The following GSK3B variants were observed in gnomAD, a reference collection of about 807,000 sequenced individuals.
GSK3B encodes the protein glycogen synthase kinase 3 beta, also known as glycogen synthase kinase-3 beta.
A neutral mutation model predicts 56.4 loss-of-function variants in GSK3B; 15 were observed. That is an observed-to-expected ratio of 0.27 (90% CI 0.18 to 0.41). The LOEUF is 0.41. Among genes scored for constraint, GSK3B ranks in the 10% least tolerant of loss-of-function variants. The pLI, the probability that GSK3B is intolerant of heterozygous loss-of-function variation, is 1.00. For missense variants in GSK3B, 300 were observed against 513.4 expected (o/e 0.58, Z 4.02); for synonymous variants, 181 against 188.9 (o/e 0.96, Z 0.34).
At chr3:120,075,867 G>A (rs2080408502) in intron 1 of GSK3B, among the ~76,000 whole-genome samples, 1 of 151,876 alleles carries the variant, frequency 6.6e-6, no homozygotes, top group African/African-American at 2.4e-5. Context: ...CACAAGAGTA[G>A]AAAAAGCAAT....
chr3:119,953,276 C>T (rs370352091), intron 2 of GSK3B, among the ~76,000 whole-genome samples: 21 of 144,506 alleles, frequency 1.5e-4, no homozygotes, highest in East Asian at 5.8e-4. Context: ...TAACGAAGAA[C>T]GGAAGAACAA....
At chr3:119,878,689 A>T (rs904826266) in intron 7 of GSK3B, among the ~76,000 whole-genome samples, 1 of 152,178 alleles carries the variant, frequency 6.6e-6, no homozygotes, top group Admixed American at 6.5e-5. Flanking sequence ...TTTAACTGCT[A>T]AACAGTAGAA....
At chr3:120,064,860 C>T (rs552553894) in intron 1 of GSK3B, among the ~76,000 whole-genome samples, 1 of 152,230 alleles carries the variant, frequency 6.6e-6, no homozygotes, top group South Asian at 2.1e-4. Flanking sequence ...TATCTATGGT[C>T]AACTGATGAG....
chr3:120,093,005 C>A (rs1445262782), intron 1 of GSK3B, among the ~76,000 whole-genome samples: 1 of 152,168 alleles, frequency 6.6e-6, no homozygotes, highest in Non-Finnish European at 1.5e-5. Context: ...TCTCTTTATT[C>A]TAAAGGATGG....
intron 1 of GSK3B, among the ~76,000 whole-genome samples, chr3:120,046,847 G>A (rs1006705825): frequency 1.3e-5 from 2 of 152,288 alleles, no homozygotes; most frequent in Non-Finnish European, 2.9e-5. Flanking sequence ...CTAACCTCAA[G>A]TGATCTGCCC....
At chr3:119,971,249 A>G (rs182357159) in intron 2 of GSK3B, among the ~76,000 whole-genome samples, 1 of 152,354 alleles carries the variant, frequency 6.6e-6, no homozygotes, top group East Asian at 1.9e-4. Context: ...AATTTCAAGT[A>G]TGGGAAGACC....
At chr3:119,868,252 T>C (rs757916991) in intron 8 of GSK3B, among the ~76,000 whole-genome samples, 7 of 152,144 alleles carry the variant, frequency 4.6e-5, no homozygotes, top group Non-Finnish European at 1.0e-4. Flanking sequence ...TTTTCTTAAA[T>C]TGAAACAAAT....
chr3:119,960,968 A>G (rs1013846138), intron 2 of GSK3B, among the ~76,000 whole-genome samples: 3 of 152,202 alleles, frequency 2.0e-5, no homozygotes, highest in African/African-American at 7.2e-5. Flanking sequence ...ATGATATAAA[A>G]TAACACCCCT....
chr3:120,042,116 CA>C (rs1458227793), intron 1 of GSK3B, among the ~76,000 whole-genome samples: 1 of 152,050 alleles, frequency 6.6e-6, no homozygotes, highest in Non-Finnish European at 1.5e-5. Context: ...CCCCAGACAC[CA>C]AAAAAGCCTG....
chr3:119,823,555 T>C lies in GSK3B; in HGVS notation c.*3233A>G, dbSNP rs1559795732. ...AGCATGGAAGGCTCCCAGAATCTGC[T>C]GTTTTTAAGACCCATGGTTAGGGCT... On this transcript the variant is annotated 3_prime_UTR_variant, in exon 11 of 11. Transcript: ENST00000264235. 5.3e-6 allele frequency: 1 copy of C among 187,156 alleles called. No homozygotes were observed. The highest frequency in any genetic ancestry group is 1.1e-5 in the Non-Finnish European group (1 of 88,680). The allele number at this position is 187,156 out of a possible 1,614,324, so 11.6% of individuals were successfully genotyped here.
At chr3:120,031,824 GT>G (rs1404563429) in intron 1 of GSK3B, among the ~76,000 whole-genome samples, 1 of 152,172 alleles carries the variant, frequency 6.6e-6, no homozygotes, top group East Asian at 1.9e-4. Flanking sequence ...TTTTTTGCTA[GT>G]TTTTTATAAA....
chr3:120,024,999 C>T (rs2057911087), intron 1 of GSK3B, among the ~76,000 whole-genome samples: 1 of 152,144 alleles, frequency 6.6e-6, no homozygotes, highest in Admixed American at 6.5e-5. Flanking sequence ...ACTCACTAAT[C>T]TACCTGGTTA....
At chr3:120,008,466 AG>A (rs992292293) in intron 1 of GSK3B, among the ~76,000 whole-genome samples, 6 of 152,342 alleles carry the variant, frequency 3.9e-5, no homozygotes, top group African/African-American at 1.2e-4. Flanking sequence ...CTTTACTACA[AG>A]GCTACAGTAA....
chr3:120,052,277 A>T (rs2058156977), intron 1 of GSK3B, among the ~76,000 whole-genome samples: 1 of 152,242 alleles, frequency 6.6e-6, no homozygotes. Context: ...AATGTCTTAG[A>T]TAATTTCATT....
chr3:120,022,378 T>A (rs1380855386), intron 1 of GSK3B, among the ~76,000 whole-genome samples: 1 of 152,220 alleles, frequency 6.6e-6, no homozygotes, highest in Non-Finnish European at 1.5e-5. Context: ...AAAAAAATTG[T>A]GTGATGTGCT....
chr3:119,924,280 A>G (rs943855468), intron 3 of GSK3B, among the ~76,000 whole-genome samples: 6 of 152,226 alleles, frequency 3.9e-5, no homozygotes, highest in African/African-American at 1.4e-4. Flanking sequence ...TGTGGCCAGT[A>G]TCAGGTAAAT....
chr3:120,015,298 T>C (rs1426864794), intron 1 of GSK3B, among the ~76,000 whole-genome samples: 1 of 152,190 alleles, frequency 6.6e-6, no homozygotes, highest in Non-Finnish European at 1.5e-5. Context: ...TCACGGTACT[T>C]ATCACAATGC....
chr3:119,838,552 T>C (rs1487674574), intron 10 of GSK3B, among the ~76,000 whole-genome samples: 1 of 152,128 alleles, frequency 6.6e-6, no homozygotes, highest in Non-Finnish European at 1.5e-5. Context: ...CCAACAAGGT[T>C]CATGAGATTT....
At chr3:119,967,425 C>G (rs1163707736) in intron 2 of GSK3B, among the ~76,000 whole-genome samples, 1 of 152,042 alleles carries the variant, frequency 6.6e-6, no homozygotes, top group Non-Finnish European at 1.5e-5. Flanking sequence ...TCCTAAAATT[C>G]ATATGGAAAT....
Sources: allele counts gnomAD v4.1 joint callset (sites outside exome capture counted in the v4.1 genomes callset), GRCh38; gene constraint gnomAD v4.1.1; transcripts MANE v1.5; gene names NCBI Gene and HGNC (gene_info 2026-07-23, HGNC 2026-07-21).